PCGF5: variants seen among roughly 807,000 people sequenced by gnomAD.
PCGF5 encodes polycomb group RING finger protein 5.
In PCGF5, 9 loss-of-function variants were observed where a neutral mutation model predicts 44.3. The observed-to-expected ratio is 0.20, with a 90% CI of 0.12 to 0.35. The LOEUF is 0.35. Ranked by LOEUF, PCGF5 falls within the 10% of genes least tolerant of loss-of-function variation. The pLI is 1.00. For missense variants in PCGF5, 146 were observed against 305.3 expected (o/e 0.48, Z 3.89); for synonymous variants, 95 against 102.5 (o/e 0.93, Z 0.44).
chr10:91,164,514 G>A (rs143045780), intron 1 of PCGF5, among the ~76,000 whole-genome samples: 409 of 152,326 alleles, frequency 2.7e-3, no homozygotes, highest in African/African-American at 9.3e-3. Context: ...TAGTAATTGC[G>A]TCTACCTAAC....
chr10:91,226,238 C>T (rs2133293819), intron 2 of PCGF5, among the ~76,000 whole-genome samples: 1 of 144,996 alleles, frequency 6.9e-6, no homozygotes, highest in African/African-American at 2.5e-5. Context: ...TAGAACCTGC[C>T]CTTCTGGACT....
At chr10:91,269,221 T>C (rs1357671234) in intron 8 of PCGF5, among the ~76,000 whole-genome samples, 1 of 152,232 alleles carries the variant, frequency 6.6e-6, no homozygotes, top group Non-Finnish European at 1.5e-5. Flanking sequence ...CCCTGTAGTT[T>C]CCACATCTAT....
At chr10:91,213,644 T>C (rs1259467669) in intron 1 of PCGF5, among the ~76,000 whole-genome samples, 1 of 151,670 alleles carries the variant, frequency 6.6e-6, no homozygotes, top group African/African-American at 2.4e-5. Flanking sequence ...TTTTTCTTTT[T>C]TTTTTTCTTT....
chr10:91,210,268 G>A (rs1292400641), intron 1 of PCGF5, among the ~76,000 whole-genome samples: 2 of 152,070 alleles, frequency 1.3e-5, no homozygotes, highest in African/African-American at 4.8e-5. Flanking sequence ...GTGCTTCCTG[G>A]TCACAGCACA....
chr10:91,172,099 G>A (rs1215667138), intron 1 of PCGF5, among the ~76,000 whole-genome samples: 1 of 152,168 alleles, frequency 6.6e-6, no homozygotes, highest in African/African-American at 2.4e-5. Flanking sequence ...GCTAGCTCTC[G>A]AAATAACTGG....
At chr10:91,263,009 C>T (rs1465318549) in intron 7 of PCGF5, among the ~76,000 whole-genome samples, 2 of 152,152 alleles carry the variant, frequency 1.3e-5, no homozygotes, top group South Asian at 2.1e-4. Context: ...GTATATATTT[C>T]GCTATAAACA....
chr10:91,265,532 T>TA (rs68030127), intron 8 of PCGF5, among the ~76,000 whole-genome samples: 15 of 150,582 alleles, frequency 1.0e-4, no homozygotes, highest in Middle Eastern at 3.4e-3. Flanking sequence ...ATGTAAATCA[T>TA]AAAAAAAAAC....
Position 91,259,881 on chromosome 10 carries a change from A to G in PCGF5, c.475-1445A>G, listed in dbSNP as rs538520521. 9.7e-3 allele frequency among the ~76,000 whole-genome samples: 1,480 copies of G among 152,202 alleles called. 29 individuals carry two copies. Among genetic ancestry groups the G allele is most frequent in the African/African-American group, 0.034 (1,411 of 41,476 alleles). On this transcript the variant is annotated intron_variant, in intron 6 of 9. Coordinates refer to ENST00000336126, the MANE Select transcript of PCGF5 (RefSeq NM_032373.5). ...AAAACCCTAGAAGAAAACCTAGGCA[A>G]TACCATTCAGGACATAGGCATGGGC...
At chr10:91,245,858 G>A (rs746162237) in intron 3 of PCGF5, among the ~76,000 whole-genome samples, 22 of 152,272 alleles carry the variant, frequency 1.4e-4, no homozygotes, top group Admixed American at 9.8e-4. Context: ...AGAAAAAAGC[G>A]TGTTGTCCAG....
At chr10:91,222,475 G>A (rs1365364815) in intron 1 of PCGF5, among the ~76,000 whole-genome samples, 1 of 152,180 alleles carries the variant, frequency 6.6e-6, no homozygotes, top group East Asian at 1.9e-4. Flanking sequence ...CATTAGTATA[G>A]AGGTGGTAGT....
intron 9 of PCGF5, among the ~76,000 whole-genome samples, chr10:91,277,290 A>T (rs1846340877): frequency 6.6e-6 from 1 of 152,236 alleles, no homozygotes; most frequent in East Asian, 1.9e-4. Context: ...ATGAAAGAAT[A>T]CAAAGTTCTC....
intron 1 of PCGF5, among the ~76,000 whole-genome samples, chr10:91,191,880 T>C (rs1844039996): frequency 6.6e-6 from 1 of 152,232 alleles, no homozygotes; most frequent in South Asian, 2.1e-4. Context: ...AAGTGAATAT[T>C]TTAAATGCTT....
chr10:91,250,598 T>G (rs568048901), intron 5 of PCGF5, among the ~76,000 whole-genome samples: 4 of 151,600 alleles, frequency 2.6e-5, no homozygotes, highest in African/African-American at 9.7e-5. Flanking sequence ...CCTCAGGCCT[T>G]GTATGATGTG....
intron 1 of PCGF5, among the ~76,000 whole-genome samples, chr10:91,213,589 C>T (rs12256855): frequency 2.7e-3 from 410 of 151,916 alleles, no homozygotes; most frequent in African/African-American, 9.5e-3. Flanking sequence ...CTCAGCCTCC[C>T]GAGTAGCTGG....
Position 91,197,276 on chromosome 10 carries a change from G to C in PCGF5, c.-183-25413G>C, listed in dbSNP as rs77840037. Among the ~76,000 whole-genome samples, 1,452 of 152,294 alleles carry C rather than the reference G, an allele frequency of 9.5e-3. 26 individuals carry two copies. Among genetic ancestry groups the C allele is most frequent in the African/African-American group, 0.033 (1,373 of 41,548 alleles). On this transcript the variant is annotated intron_variant, in intron 1 of 9. Coordinates refer to the PCGF5 transcript ENST00000614189. ...TCATCTGAAGGCTCGCGAGCTGACT[G>C]TCATGTCCTGGGTCTAGTCTGAGAC...
chr10:91,199,915 A>T (rs1564631755), intron 1 of PCGF5, among the ~76,000 whole-genome samples: 1 of 152,232 alleles, frequency 6.6e-6, no homozygotes, highest in Non-Finnish European at 1.5e-5. Context: ...GAGAAGTGGG[A>T]CAGGGAGGAA....
intron 2 of PCGF5, among the ~76,000 whole-genome samples, chr10:91,223,305 C>T (rs1844730575): frequency 6.6e-6 from 1 of 152,070 alleles, no homozygotes; most frequent in Non-Finnish European, 1.5e-5. Context: ...AGGAATTAAT[C>T]TCAGAGATTC....
At chr10:91,243,344 C>T (rs1269569890) in intron 3 of PCGF5, among the ~76,000 whole-genome samples, 1 of 152,134 alleles carries the variant, frequency 6.6e-6, no homozygotes, top group Non-Finnish European at 1.5e-5. Context: ...CTGAAGGTGG[C>T]CACATTGCAG....
chr10:91,243,437 T>C (rs1165016974), intron 3 of PCGF5, among the ~76,000 whole-genome samples: 1 of 152,216 alleles, frequency 6.6e-6, no homozygotes, highest in African/African-American at 2.4e-5. Flanking sequence ...CTGTGACACA[T>C]GTAGCAAAAA....
Sources: gnomAD v4.1 joint callset for allele counts (sites outside exome capture counted in the v4.1 genomes callset) on GRCh38, gnomAD v4.1.1 for gene constraint, MANE v1.5 for transcripts, NCBI Gene and HGNC (gene_info 2026-07-23, HGNC 2026-07-21) for gene names.